FBXO28: variants seen among roughly 807,000 people sequenced by gnomAD.
FBXO28 encodes the protein F-box protein 28, also known as F-box only protein 28.
In FBXO28, 8 loss-of-function variants were observed where a neutral mutation model predicts 38.1. The ratio of observed to expected loss-of-function variants is 0.21; its 90% CI spans 0.12 to 0.38. The LOEUF (loss-of-function observed/expected upper bound fraction) is 0.38, where lower values mean the gene tolerates loss of function less well. Ranked by LOEUF, FBXO28 falls within the 10% of genes least tolerant of loss-of-function variation. FBXO28 has a pLI of 1.00. For synonymous variants in FBXO28, 168 were observed against 173.8 expected, an observed-to-expected ratio of 0.97 and a Z score of 0.26; for missense variants, 345 against 460.6, an observed-to-expected ratio of 0.75 and a Z score of 2.30.
At chr1:224,146,183 G>A (rs1392785805) in intron 3 of FBXO28, among the ~76,000 whole-genome samples, 1 of 151,864 alleles carries the variant, frequency 6.6e-6, no homozygotes, top group Non-Finnish European at 1.5e-5. Flanking sequence ...GCAGTGAGCC[G>A]GGATCACACC....
At position 224,157,866 on chromosome 1, in the gene FBXO28, T is replaced by C; in HGVS notation, c.*120T>C. 1.4e-6 allele frequency: 2 copies of C among 1,445,262 alleles called. No homozygotes were observed. Among genetic ancestry groups the C allele is most frequent in the Non-Finnish European group, 1.8e-6 (2 of 1,104,160 alleles). The allele number at this position is 1,445,262 out of a possible 1,614,324, so 89.5% of individuals were successfully genotyped here. On this transcript the variant is annotated 3_prime_UTR_variant, in exon 5 of 5. Transcript: ENST00000366862. ...AGCTTCTAGGCTTTCAGAACACAAC[T>C]TAAACTTGAACTCTTATGGTTGGGA...
intron 3 of FBXO28, among the ~76,000 whole-genome samples, chr1:224,144,895 CTGAT>C (rs1265684431): frequency 1.3e-5 from 2 of 152,120 alleles, no homozygotes; most frequent in African/African-American, 2.4e-5. Flanking sequence ...CCATAGCTCA[CTGAT>C]TGACCAAAAA....
chr1:224,120,466 A>G (rs778653580), intron 1 of FBXO28, among the ~76,000 whole-genome samples: 6 of 152,226 alleles, frequency 3.9e-5, no homozygotes, highest in Non-Finnish European at 8.8e-5. Context: ...CTGTTTTCCA[A>G]TTACCTTAGT....
In FBXO28 at chr1:224,157,752, A is replaced by C; in HGVS notation, c.*6A>C. On this transcript the variant is annotated 3_prime_UTR_variant, in exon 5 of 5. Coordinates refer to ENST00000366862, the MANE Select transcript of FBXO28 (RefSeq NM_015176.4). ...GTCTTCGGAATAGAAAGTAAATTGGAATGTGGTTCTAGTTCCAGAGGAAGA... is the reference window on the plus strand; with the variant it reads ...GTCTTCGGAATAGAAAGTAAATTGGCATGTGGTTCTAGTTCCAGAGGAAGA... The C allele has an allele frequency of 1.3e-6, 2 of 1,590,012 alleles. No individual in the cohort carries two copies. Among genetic ancestry groups the C allele is most frequent in the Non-Finnish European group, 1.7e-6 (2 of 1,169,940 alleles).
In FBXO28 at chr1:224,131,158, T is replaced by C. The variant is rs1004870698; in HGVS notation, c.377+577T>C. 27 of 152,242 alleles carry C rather than the reference T, an allele frequency of 1.8e-4. 1 individual carries two copies. The highest frequency in any genetic ancestry group is 1.8e-3 in the Admixed American group (27 of 15,284). 9.4% of individuals were successfully genotyped at this position (152,242 alleles called of 1,614,324 possible). A position where few individuals can be genotyped will look rare whatever the true frequency, so the allele number is the denominator to read the frequency against. On this transcript the variant is annotated intron_variant, in intron 2 of 4. Coordinates refer to ENST00000366862, the MANE Select transcript of FBXO28 (RefSeq NM_015176.4). ...TGTGTTCATGGATTTGAAGACTTCA[T>C]ATTGTTAAGATGACGGTACTCCCCA...
rs752515336 is a variant in FBXO28 at position 224,114,301 on chromosome 1, C to G, written c.172C>G (p.Leu58Val). The G allele has an allele frequency of 8.5e-5, 134 of 1,567,512 alleles. No individual in the cohort carries two copies. Among genetic ancestry groups the G allele is most frequent in the Middle Eastern group, 5.7e-4 (3 of 5,258 alleles). ...AGCCCCCGCGCTGGCTCCGGACCAG[C>G]TGCCTCAAAACAACACGCTTGTGGC... is the stretch of plus-strand genomic sequence containing the variant. ...LPAPALAPDQ[L>V]PQNNTLVALP... Residue 58 changes from leucine to valine, a missense_variant, in exon 1 of 5, where the codon CTG (leucine) becomes GTG (valine). This residue lies in a region of FBXO28 where 104 missense variants were observed against 82.0 expected (regional missense o/e 1.27). Coordinates refer to ENST00000366862, the MANE Select transcript of FBXO28 (RefSeq NM_015176.4).
At chr1:224,153,061 C>T (rs1558197439) in intron 3 of FBXO28, 81 bp from the exon 4 acceptor site, 1 of 1,099,452 alleles carries the variant, frequency 9.1e-7, no homozygotes, top group Admixed American at 2.7e-5. Context: ...GCAAAACAAG[C>T]AGTTACTTCT....
rs143831581 is a variant in FBXO28, at chr1:224,114,151, C to A, written c.22C>A (p.Arg8=). Reference sequence around the variant, plus strand: ...CAAGATGGCGGCAGCGGCGGAGGAGCGGATGGCAGAGGAAGGAGGCGGCGG... The same window carrying A: ...CAAGATGGCGGCAGCGGCGGAGGAGAGGATGGCAGAGGAAGGAGGCGGCGG... MAAAAEE[R]MAEEGGGGQG... Residue 8 remains arginine, a synonymous_variant, in exon 1 of 5, where the codon CGG becomes AGG. Coordinates refer to ENST00000366862, the MANE Select transcript of FBXO28 (RefSeq NM_015176.4). 1,556 of 1,544,000 alleles carry A rather than the reference C, an allele frequency of 1.0e-3. 19 individuals carry two copies. The highest frequency in any genetic ancestry group is 8.4e-3 in the East Asian group (341 of 40,732).
At chr1:224,150,400 G>A (rs1657615486) in intron 3 of FBXO28, among the ~76,000 whole-genome samples, 1 of 152,076 alleles carries the variant, frequency 6.6e-6, no homozygotes, top group Non-Finnish European at 1.5e-5. Flanking sequence ...ACTACTATGG[G>A]TCAATTAATA....
chr1:224,116,315 C>T (rs1219621692), intron 1 of FBXO28, among the ~76,000 whole-genome samples: 2 of 151,922 alleles, frequency 1.3e-5, no homozygotes, highest in African/African-American at 4.8e-5. Flanking sequence ...TTCTTTTTTG[C>T]CACTAGGTGT....
chr1:224,140,299 A>G (rs1446646411), intron 3 of FBXO28, among the ~76,000 whole-genome samples: 1 of 152,200 alleles, frequency 6.6e-6, no homozygotes, highest in Non-Finnish European at 1.5e-5. Flanking sequence ...GTTTCATCAC[A>G]TATTCCAATA....
chr1:224,120,481 G>C (rs1656746520), intron 1 of FBXO28, among the ~76,000 whole-genome samples: 1 of 152,184 alleles, frequency 6.6e-6, no homozygotes. Context: ...CTTAGTCTGT[G>C]ATGCAATATA....
chr1:224,153,344 CTACTT>C lies in FBXO28; in HGVS notation c.712+10_712+14del. ...CTCATGGGCTCTCCTCCAGGTATCT[CTACTT>C]TATAATCATGCTTGTACATAATTTT... On this transcript the variant is annotated splice_region_variant and intron_variant, in intron 4 of 4. Coordinates refer to ENST00000366862, the MANE Select transcript of FBXO28 (RefSeq NM_015176.4). 1.9e-6 allele frequency: 3 copies of C among 1,562,176 alleles called. No homozygotes were observed. Among genetic ancestry groups the C allele is most frequent in the Non-Finnish European group, 2.6e-6 (3 of 1,157,836 alleles).
chr1:224,158,563 A>G lies in FBXO28; in HGVS notation c.*817A>G, dbSNP rs1402001056. On this transcript the variant is annotated 3_prime_UTR_variant, in exon 5 of 5. Coordinates refer to ENST00000366862, the MANE Select transcript of FBXO28 (RefSeq NM_015176.4). ...GCAACAGCTTGCCTCTAGAGGGGGA[A>G]TTGTTCATCCATTTGTCCTCCAGTT... 2 of 152,564 alleles carry G rather than the reference A, an allele frequency of 1.3e-5. No homozygotes were observed. The highest frequency in any genetic ancestry group is 4.8e-5 in the African/African-American group (2 of 41,460). The allele number at this position is 152,564 out of a possible 1,614,324, so 9.5% of individuals were successfully genotyped here.
At position 224,159,474 on chromosome 1, in the gene FBXO28, A is replaced by G. The variant is rs1657846748; in HGVS notation, c.*1728A>G. The G allele has an allele frequency of 6.5e-6, 1 of 152,686 alleles. No individual in the cohort carries two copies. The highest frequency in any genetic ancestry group is 1.5e-5 in the Non-Finnish European group (1 of 68,048). 9.5% of individuals were successfully genotyped at this position (152,686 alleles called of 1,614,324 possible). On this transcript the variant is annotated 3_prime_UTR_variant, in exon 5 of 5. Transcript: ENST00000366862. ...TGTAGTATGTTTTCAATGAAAAACCATAAAGTAACATCCAAGTGTTTCATG... is the reference window on the plus strand; with the variant it reads ...TGTAGTATGTTTTCAATGAAAAACCGTAAAGTAACATCCAAGTGTTTCATG...
Position 224,158,785 on chromosome 1 carries a change from G to A in FBXO28, c.*1039G>A, listed in dbSNP as rs776490295. 6.6e-6 allele frequency: 1 copy of A among 152,482 alleles called. No individual in the cohort carries two copies. The highest frequency in any genetic ancestry group is 2.4e-5 in the African/African-American group (1 of 41,440). The allele number at this position is 152,482 out of a possible 1,614,324, so 9.4% of individuals were successfully genotyped here. Reference sequence around the variant, plus strand: ...TGAGTGAGTAGGGGACTCGACTTGCGGGATGCAGTTTTGCCATTGCAGCAA... The same window carrying A: ...TGAGTGAGTAGGGGACTCGACTTGCAGGATGCAGTTTTGCCATTGCAGCAA... On this transcript the variant is annotated 3_prime_UTR_variant, in exon 5 of 5. Coordinates refer to ENST00000366862, the MANE Select transcript of FBXO28 (RefSeq NM_015176.4).
chr1:224,131,688 A>G (rs1657051834), intron 2 of FBXO28, among the ~76,000 whole-genome samples: 1 of 152,214 alleles, frequency 6.6e-6, no homozygotes, highest in African/African-American at 2.4e-5. Flanking sequence ...TCATAGACCT[A>G]AGTGTAAATG....
At chr1:224,132,350 G>A (rs558281510) in intron 2 of FBXO28, among the ~76,000 whole-genome samples, 1 of 152,246 alleles carries the variant, frequency 6.6e-6, no homozygotes, top group South Asian at 2.1e-4. Context: ...TAGTCGTCAG[G>A]GGAATGCAAA....
At chr1:224,134,008 C>T (rs924676434) in intron 2 of FBXO28, 66 bp from the exon 3 acceptor site, 76 of 1,208,632 alleles carry the variant, frequency 6.3e-5, no homozygotes, top group Non-Finnish European at 7.5e-5. Flanking sequence ...ATCTTGATTG[C>T]TTAATATTTT....
Sources: gnomAD v4.1 joint callset for allele counts (sites outside exome capture counted in the v4.1 genomes callset) on GRCh38, gnomAD v4.1.1 for gene constraint, gnomAD v4.1.1 regional missense constraint, MANE v1.5 for transcripts, NCBI Gene and HGNC (gene_info 2026-07-23, HGNC 2026-07-21) for gene names.